Variants in PAPOLG observed in about 807,000 individuals in gnomAD.
The protein encoded by PAPOLG is PAP-gamma.
In PAPOLG, 40 loss-of-function variants were observed where a neutral mutation model predicts 99.0. That is an observed-to-expected ratio of 0.40 (90% confidence interval 0.31 to 0.53). The LOEUF (loss-of-function observed/expected upper bound fraction) is 0.53, where lower values mean the gene tolerates loss of function less well. Among genes scored for constraint, PAPOLG ranks in the 20% least tolerant of loss-of-function variants. The pLI is 0.41. For missense variants in PAPOLG, 675 were observed against 884.1 expected, an observed-to-expected ratio of 0.76 and a Z score of 3.00; for synonymous variants, 310 against 299.3, an observed-to-expected ratio of 1.04 and a Z score of -0.37.
chr2:60,790,046 A>T (rs888448961), intron 15 of PAPOLG, among the ~76,000 whole-genome samples: 1 of 152,184 alleles, frequency 6.6e-6, no homozygotes, highest in Non-Finnish European at 1.5e-5. Flanking sequence ...GTGAGCTGAG[A>T]TCTCGCTGTT....
intron 14 of PAPOLG, 102 bp from the exon 15 acceptor site, chr2:60,787,409 T>G: frequency 7.3e-6 from 10 of 1,365,118 alleles, no homozygotes; most frequent in Non-Finnish European, 9.9e-6. Context: ...TCTGTATTTG[T>G]GAGATAGAGA....
chr2:60,795,077 C>A (rs1306767042), intron 21 of PAPOLG, 57 bp downstream of exon 21: 12 of 1,425,514 alleles, frequency 8.4e-6, no homozygotes, highest in South Asian at 1.2e-5. Flanking sequence ...CATAGGTAAT[C>A]TACAAGTACA....
intron 1 of PAPOLG, among the ~76,000 whole-genome samples, chr2:60,759,566 G>C (rs1670463663): frequency 6.6e-6 from 1 of 152,096 alleles, no homozygotes; most frequent in Non-Finnish European, 1.5e-5. Context: ...GAATCACAAA[G>C]TACTAGGACT....
In PAPOLG at chr2:60,792,135, C is replaced by G; in HGVS notation, c.1525C>G (p.Leu509Val). 6.3e-7 allele frequency: 1 copy of G among 1,578,106 alleles called. No individual in the cohort carries two copies. The highest frequency in any genetic ancestry group is 8.6e-7 in the Non-Finnish European group (1 of 1,168,652). Residue 509 changes from leucine (L) to valine (V), a missense_variant, in exon 17 of 22, where the codon CTC becomes GTC. Coordinates refer to ENST00000238714, the MANE Select transcript of PAPOLG (RefSeq NM_022894.4). ...AATCGTTCCCTTCTTTCAGCAAAGTCTCTCTGATGTCAATCGAAGCTCGGG... is the reference window on the plus strand; with the variant it reads ...AATCGTTCCCTTCTTTCAGCAAAGTGTCTCTGATGTCAATCGAAGCTCGGG... ...EILQKKKKQSLSDVNRSSGGL... is the reference protein window; with the variant it reads ...EILQKKKKQSVSDVNRSSGGL...
At chr2:60,786,910 T>C (rs1437152689) in intron 13 of PAPOLG, 37 bp from the exon 14 acceptor site, 2 of 1,583,962 alleles carry the variant, frequency 1.3e-6, no homozygotes, top group Admixed American at 3.7e-5. Flanking sequence ...AAATTTAAAG[T>C]GGACATAAGA....
chr2:60,789,979 A>G (rs1469750506), intron 15 of PAPOLG, among the ~76,000 whole-genome samples: 1 of 152,220 alleles, frequency 6.6e-6, no homozygotes, highest in East Asian at 1.9e-4. Flanking sequence ...CTGTAATCCC[A>G]GCTATTCCAG....
intron 2 of PAPOLG, 40 bp from the exon 3 acceptor site, chr2:60,761,701 T>G: frequency 1.3e-6 from 2 of 1,527,098 alleles, no homozygotes; most frequent in Non-Finnish European, 9.0e-7. Context: ...TGTTTGTTCA[T>G]TTGTTTGTTT....
At chr2:60,761,319 G>C (rs1670515483) in intron 2 of PAPOLG, among the ~76,000 whole-genome samples, 1 of 152,084 alleles carries the variant, frequency 6.6e-6, no homozygotes, top group Non-Finnish European at 1.5e-5. Flanking sequence ...ACAGAAATTA[G>C]CCAGTAATTA....
At chr2:60,769,861 T>C (rs1245103389) in intron 5 of PAPOLG, among the ~76,000 whole-genome samples, 4 of 152,120 alleles carry the variant, frequency 2.6e-5, no homozygotes, top group Admixed American at 1.3e-4. Context: ...TATCAACCCA[T>C]TATCTAGGTT....
chr2:60,762,178 A>G (rs1306879323), intron 3 of PAPOLG, among the ~76,000 whole-genome samples: 1 of 152,130 alleles, frequency 6.6e-6, no homozygotes, highest in Non-Finnish European at 1.5e-5. Context: ...CCTGTCTTCC[A>G]TTGCCTCATG....
At chr2:60,782,861 C>A in intron 12 of PAPOLG, 91 bp downstream of exon 12, 1 of 1,364,754 alleles carries the variant, frequency 7.3e-7, no homozygotes, top group Non-Finnish European at 9.7e-7. Flanking sequence ...GGTGACAGCT[C>A]TTTTATTTCT....
chr2:60,774,935 T>C, intron 7 of PAPOLG, 99 bp from the exon 8 acceptor site: 1 of 1,530,272 alleles, frequency 6.5e-7, no homozygotes, highest in South Asian at 1.2e-5. Context: ...TTTATTATCT[T>C]TCATATTTTT....
At chr2:60,766,260 T>G (rs1220705294) in intron 3 of PAPOLG, among the ~76,000 whole-genome samples, 1 of 152,128 alleles carries the variant, frequency 6.6e-6, no homozygotes, top group African/African-American at 2.4e-5. Flanking sequence ...TTAAGAATTG[T>G]AATGGCAGAA....
At chr2:60,769,017 T>A in intron 5 of PAPOLG, 127 bp downstream of exon 5, 1 of 703,174 alleles carries the variant, frequency 1.4e-6, no homozygotes, top group Non-Finnish European at 2.3e-6. Flanking sequence ...AGAGTAGCTT[T>A]AATAAGTGAT....
chr2:60,777,168 A>G (rs973861329), intron 8 of PAPOLG, among the ~76,000 whole-genome samples: 4 of 152,046 alleles, frequency 2.6e-5, no homozygotes, highest in Non-Finnish European at 4.4e-5. Flanking sequence ...AAAATTTTCT[A>G]TCAGCAGCCA....
At position 60,801,081 on chromosome 2, in the gene PAPOLG, T is replaced by G. The variant is rs1671825224; in HGVS notation, c.*3921T>G. 1 of 152,330 alleles carries G rather than the reference T, an allele frequency of 6.6e-6. No individual in the cohort carries two copies. Among genetic ancestry groups the G allele is most frequent in the African/African-American group, 2.4e-5 (1 of 41,444 alleles). 9.4% of individuals were successfully genotyped at this position (152,330 alleles called of 1,614,324 possible). A position where few individuals can be genotyped will look rare whatever the true frequency, so the allele number is the denominator to read the frequency against. The stretch of plus-strand genomic sequence containing the variant: ...AGTTCAACAAATTTCAACCCAATAT[T>G]ATCACAGTACAATAGCTTAGAATGA... On this transcript the variant is annotated 3_prime_UTR_variant, in exon 22 of 22. Coordinates refer to ENST00000238714, the MANE Select transcript of PAPOLG (RefSeq NM_022894.4).
intron 1 of PAPOLG, among the ~76,000 whole-genome samples, chr2:60,757,014 C>G (rs1341840937): frequency 6.6e-6 from 1 of 151,984 alleles, no homozygotes; most frequent in East Asian, 1.9e-4. Flanking sequence ...TCCCCACCTA[C>G]CCACAACATC....
rs140739634 is a variant in PAPOLG, at chr2:60,801,942, C to T, written c.*4782C>T. ...ACAGTACTATGTAAAATGAATGGAG[C>T]TGCTGTTCCTTTCTAGCTAGCTGTT... On this transcript the variant is annotated 3_prime_UTR_variant, in exon 22 of 22. Coordinates refer to ENST00000238714, the MANE Select transcript of PAPOLG (RefSeq NM_022894.4). The T allele has an allele frequency of 2.0e-5, 3 of 152,432 alleles. No individual in the cohort carries two copies. Among genetic ancestry groups the T allele is most frequent in the African/African-American group, 7.2e-5 (3 of 41,556 alleles). 9.4% of individuals were successfully genotyped at this position (152,432 alleles called of 1,614,324 possible). A position where few individuals can be genotyped will look rare whatever the true frequency, so the allele number is the denominator to read the frequency against.
intron 21 of PAPOLG, 144 bp downstream of exon 21, chr2:60,795,164 G>T: frequency 1.4e-6 from 1 of 707,516 alleles, no homozygotes; most frequent in Non-Finnish European, 2.4e-6. Context: ...GTGTAGTTGG[G>T]GTTGGAGATA....
Sources: allele counts gnomAD v4.1 joint callset (sites outside exome capture counted in the v4.1 genomes callset), GRCh38; gene constraint gnomAD v4.1.1; transcripts MANE v1.5; gene names NCBI Gene and HGNC (gene_info 2026-07-23, HGNC 2026-07-21).